The following DOCK10 variants were observed in gnomAD, a reference collection of about 807,000 sequenced individuals.
DOCK10 encodes dedicator of cytokinesis 10.
In DOCK10, 145 loss-of-function variants were observed where a neutral mutation model predicts 280.1. The observed-to-expected ratio is 0.52, with a 90% CI of 0.45 to 0.59. DOCK10 has a LOEUF of 0.59. Among genes scored for constraint, DOCK10 ranks in the 20% least tolerant of loss-of-function variants. DOCK10 has a pLI of 0.00. For missense variants in DOCK10, 2,368 were observed against 2,651.7 expected (o/e 0.89, Z 2.35); for synonymous variants, 915 against 942.2 (o/e 0.97, Z 0.53).
intron 27 of DOCK10, 23 bp from the exon 28 acceptor site, chr2:224,823,670 C>CCTG (rs1218853919): frequency 1.3e-6 from 2 of 1,558,210 alleles, no homozygotes; most frequent in Admixed American, 2.1e-5. Flanking sequence ...CGGATTATAT[C>CCTG]TTTCTAATGT....
chr2:224,813,447 C>T (rs1346503116), intron 31 of DOCK10, among the ~76,000 whole-genome samples: 4 of 152,264 alleles, frequency 2.6e-5, no homozygotes, highest in East Asian at 3.9e-4. Context: ...CTGCCTGCCT[C>T]GGCCTCCCAA....
intron 30 of DOCK10, 34 bp from the exon 31 acceptor site, chr2:224,814,398 T>C: frequency 1.7e-6 from 2 of 1,164,856 alleles, no homozygotes; most frequent in African/African-American, 3.1e-5. Flanking sequence ...TTCAGATATA[T>C]ACATATACAT....
In DOCK10 at chr2:224,793,036, A is replaced by G; in HGVS notation, c.5249T>C (p.Leu1750Pro). ...ACAGGGGTGGGTATCCTCCGAGAGC[A>G]GGGATGCTGTGCAAATCTTTTCCAC... is the stretch of plus-strand genomic sequence containing the variant. The part of the protein sequence containing the change: ...WKVEKICTAS[L>P]LSEDTHPCDS... The change falls in exon 47 of 56, where the codon CTG becomes CCG. Residue 1750 changes from leucine to proline, a missense_variant. Physicochemically the swap from Leu to Pro is moderately conservative, Grantham distance 98. Transcript: ENST00000258390. 1.2e-6 allele frequency: 2 copies of G among 1,613,694 alleles called. No individual in the cohort carries two copies. Among genetic ancestry groups the G allele is most frequent in the Admixed American group, 1.7e-5 (1 of 59,978 alleles).
At chr2:225,001,329 A>AC (rs1444747663) in intron 1 of DOCK10, among the ~76,000 whole-genome samples, 1 of 129,658 alleles carries the variant, frequency 7.7e-6, no homozygotes, top group Admixed American at 8.6e-5. Flanking sequence ...TCGCTCTGCC[A>AC]CCCAGGCTGG....
intron 3 of DOCK10, among the ~76,000 whole-genome samples, chr2:224,910,738 C>T (rs1445794064): frequency 6.6e-6 from 1 of 152,150 alleles, no homozygotes; most frequent in Non-Finnish European, 1.5e-5. Flanking sequence ...CTTTGGTGAC[C>T]TCTTTCTTCT....
intron 1 of DOCK10, among the ~76,000 whole-genome samples, chr2:224,999,639 C>T (rs1221448615): frequency 3.3e-5 from 5 of 151,420 alleles, no homozygotes; most frequent in African/African-American, 9.7e-5. Flanking sequence ...CCTCTGGGAG[C>T]TTATATTTTG....
intron 3 of DOCK10, among the ~76,000 whole-genome samples, chr2:224,899,892 A>G (rs1700195549): frequency 6.6e-6 from 1 of 152,234 alleles, no homozygotes; most frequent in African/African-American, 2.4e-5. Context: ...CTTGGGAACT[A>G]GGGGATAGAA....
At chr2:224,809,989 C>CA (rs376029378) in intron 31 of DOCK10, among the ~76,000 whole-genome samples, 76,528 of 115,204 alleles carry the variant, frequency 0.66, 25,256 homozygotes, top group Middle Eastern at 0.76. Flanking sequence ...TATTCAGCCT[C>CA]AAAAAAAAAA....
intron 31 of DOCK10, 71 bp from the exon 32 acceptor site, chr2:224,808,157 C>A: frequency 7.3e-7 from 1 of 1,367,586 alleles, no homozygotes; most frequent in Non-Finnish European, 1.0e-6. Flanking sequence ...GACAGATATA[C>A]CAAACAACTA....
At chr2:224,916,220 A>T (rs1381999902) in intron 3 of DOCK10, among the ~76,000 whole-genome samples, 1 of 152,032 alleles carries the variant, frequency 6.6e-6, no homozygotes, top group Admixed American at 6.6e-5. Context: ...ATATGGTGAA[A>T]CCCCATCTCT....
At chr2:224,974,699 TAC>T in intron 1 of DOCK10, among the ~76,000 whole-genome samples, 1 of 147,640 alleles carries the variant, frequency 6.8e-6, no homozygotes, top group Non-Finnish European at 1.5e-5. Context: ...GCCATAAAAC[TAC>T]ATGTTTTTAC....
At chr2:225,038,481 C>A (rs1320137786) in intron 1 of DOCK10, among the ~76,000 whole-genome samples, 1 of 152,068 alleles carries the variant, frequency 6.6e-6, no homozygotes. Flanking sequence ...TATTGGAGGT[C>A]TGAAGAGTTA....
At chr2:224,967,246 A>T (rs1288709286) in intron 1 of DOCK10, among the ~76,000 whole-genome samples, 1 of 152,000 alleles carries the variant, frequency 6.6e-6, no homozygotes, top group Non-Finnish European at 1.5e-5. Flanking sequence ...TGTCCGGCTA[A>T]TTTTTCTGTA....
chr2:224,955,099 T>C (rs924349581), intron 1 of DOCK10, among the ~76,000 whole-genome samples: 1 of 152,220 alleles, frequency 6.6e-6, no homozygotes, highest in Non-Finnish European at 1.5e-5. Flanking sequence ...AGACCAATGT[T>C]ATTTCCTTTA....
intron 1 of DOCK10, among the ~76,000 whole-genome samples, chr2:224,952,390 A>G (rs549501372): frequency 6.6e-6 from 1 of 152,260 alleles, no homozygotes; most frequent in East Asian, 1.9e-4. Flanking sequence ...GTGGGAGGAA[A>G]TGGAAAATTG....
chr2:224,849,329 C>G (rs192134108), intron 19 of DOCK10, among the ~76,000 whole-genome samples, 178 bp downstream of exon 19: 1 of 152,172 alleles, frequency 6.6e-6, no homozygotes, highest in South Asian at 2.1e-4. Context: ...GAATTTGCAA[C>G]GTACTCCTGG....
Position 224,886,142 on chromosome 2 carries a change from C to T in DOCK10, c.533G>A (p.Gly178Glu), listed in dbSNP as rs375104796. 5 of 1,613,726 alleles carry T rather than the reference C, an allele frequency of 3.1e-6. No individual in the cohort carries two copies. The highest frequency in any genetic ancestry group is 4.2e-6 in the Non-Finnish European group (5 of 1,179,860). The change falls in exon 6 of 56, where the codon GGA (glycine) becomes GAA (glutamate). Residue 178 changes from glycine (G) to glutamate (E), a missense_variant. Physicochemically the swap from Gly to Glu is moderately conservative, Grantham distance 98. Around this residue, in one of 2 missense-constraint regions of DOCK10, gnomAD observed 1,209 missense variants for 1,250.9 expected, o/e 0.97. Transcript: ENST00000258390. ...HSSSKGGGGA[G>E]GTGVFKSGWL... ...GCCGGACTTGAAAACACCAGTTCCT[C>T]CCGCTCCTCCACCCCCCTTGGAAGA... is the stretch of plus-strand genomic sequence containing the variant.
At chr2:224,783,627 C>T (rs2125056390) in intron 50 of DOCK10, among the ~76,000 whole-genome samples, 1 of 151,934 alleles carries the variant, frequency 6.6e-6, no homozygotes, top group African/African-American at 2.4e-5. Context: ...AAAAAAAAAT[C>T]AGGTGTAAAA....
intron 1 of DOCK10, among the ~76,000 whole-genome samples, chr2:225,001,799 T>C (rs917581531): frequency 6.6e-6 from 1 of 152,180 alleles, no homozygotes; most frequent in Non-Finnish European, 1.5e-5. Context: ...GGTTCACAGA[T>C]GGCATCTCCT....
Sources: allele counts gnomAD v4.1 joint callset (sites outside exome capture counted in the v4.1 genomes callset), GRCh38; gene constraint gnomAD v4.1.1; regional missense constraint gnomAD v4.1.1; transcripts MANE v1.5; gene names NCBI Gene and HGNC (gene_info 2026-07-23, HGNC 2026-07-21).